The following UNC13C variants were observed in gnomAD, a reference collection of about 807,000 sequenced individuals.
UNC13C encodes protein unc-13 homolog C.
In UNC13C, 174 loss-of-function variants were observed where a neutral mutation model predicts 245.4. That is an observed-to-expected ratio of 0.71 (90% CI 0.63 to 0.80). The LOEUF is 0.80. Ranked by LOEUF, UNC13C falls within the 30% of genes least tolerant of loss-of-function variation. The pLI is 0.00. For missense variants in UNC13C, 2,829 were observed against 2,602.9 expected, an observed-to-expected ratio of 1.09 and a Z score of -1.89; for synonymous variants, 992 against 895.1, an observed-to-expected ratio of 1.11 and a Z score of -1.93.
intron 13 of UNC13C, among the ~76,000 whole-genome samples, chr15:54,301,640 A>G (rs2140948047): frequency 6.6e-6 from 1 of 152,334 alleles, no homozygotes; most frequent in Non-Finnish European, 1.5e-5. Context: ...ATAGCTGCAT[A>G]GTATTCCATG....
At chr15:54,505,953 A>G (rs1000637192) in intron 22 of UNC13C, among the ~76,000 whole-genome samples, 1 of 152,130 alleles carries the variant, frequency 6.6e-6, no homozygotes, top group Non-Finnish European at 1.5e-5. Context: ...CTCAAGCTGT[A>G]GGCCATAGGG....
At chr15:54,462,310 C>T (rs1891890864) in intron 19 of UNC13C, among the ~76,000 whole-genome samples, 1 of 152,228 alleles carries the variant, frequency 6.6e-6, no homozygotes, top group South Asian at 2.1e-4. Flanking sequence ...TGGTGGCCCT[C>T]ATTCGCTCTC....
intron 30 of UNC13C, among the ~76,000 whole-genome samples, chr15:54,613,034 GTC>G (rs929668100): frequency 1.1e-3 from 174 of 151,838 alleles, no homozygotes; most frequent in African/African-American, 3.7e-3. Flanking sequence ...ATTATTATTT[GTC>G]TCTCAAGAAC....
chr15:54,348,828 C>G (rs1046937773), intron 17 of UNC13C, among the ~76,000 whole-genome samples: 1 of 152,082 alleles, frequency 6.6e-6, no homozygotes, highest in Admixed American at 6.6e-5. Flanking sequence ...ATATCCAATT[C>G]TGTAACTCTT....
At chr15:54,192,961 ATTTAT>A (rs2034237242) in intron 4 of UNC13C, among the ~76,000 whole-genome samples, 1 of 152,024 alleles carries the variant, frequency 6.6e-6, no homozygotes, top group African/African-American at 2.4e-5. Context: ...AAGAAGTGAG[ATTTAT>A]TTTTATTCAT....
chr15:54,582,450 C>G (rs905331966), intron 30 of UNC13C, among the ~76,000 whole-genome samples: 2 of 152,080 alleles, frequency 1.3e-5, no homozygotes, highest in African/African-American at 4.8e-5. Flanking sequence ...CAGCTAAATT[C>G]AGGAGGTGAT....
Position 54,013,547 on chromosome 15 carries a change from A to G in UNC13C, c.644A>G (p.Asp215Gly), listed in dbSNP as rs779445844. 3.1e-6 allele frequency: 5 copies of G among 1,613,780 alleles called. No individual in the cohort carries two copies. In the African/African-American group the frequency reaches 5.3e-5, roughly 17 times the overall value. Reference protein sequence around the residue: ...KSWGIRSKSLDRTVRNPKTNA... With the variant: ...KSWGIRSKSLGRTVRNPKTNA... ...TGGGGAATAAGAAGTAAGTCTTTGG[A>G]CAGAACTGTCCGAAACCCAAAGACA... Residue 215 changes from aspartate (D) to glycine (G), a missense_variant, in exon 2 of 33, where the codon GAC becomes GGC. Physicochemically the swap from Asp to Gly is moderately conservative, Grantham distance 94 (BLOSUM62 -1). Transcript: ENST00000260323.
chr15:53,936,371 T>C, the UNC13C span, among the ~76,000 whole-genome samples: 2 of 152,036 alleles, frequency 1.3e-5, no homozygotes, highest in South Asian at 2.1e-4. Flanking sequence ...AGATCTCTGA[T>C]CTCTCCCTAG....
chr15:54,356,381 G>C (rs1002310381), intron 17 of UNC13C, among the ~76,000 whole-genome samples: 14 of 151,172 alleles, frequency 9.3e-5, no homozygotes, highest in African/African-American at 3.4e-4. Flanking sequence ...TCCATACCTT[G>C]TCCATATACT....
chr15:54,229,696 C>T (rs979315437), intron 4 of UNC13C, among the ~76,000 whole-genome samples: 25 of 152,110 alleles, frequency 1.6e-4, no homozygotes, highest in Admixed American at 1.3e-3. Flanking sequence ...GAACTATATT[C>T]ACCCTATTTA....
intron 30 of UNC13C, among the ~76,000 whole-genome samples, chr15:54,600,112 A>T (rs969728279): frequency 6.6e-6 from 1 of 152,028 alleles, no homozygotes; most frequent in African/African-American, 2.4e-5. Flanking sequence ...CACCATTCCT[A>T]CTCTCCAGAG....
intron 4 of UNC13C, among the ~76,000 whole-genome samples, chr15:54,174,900 T>A (rs1044237102): frequency 2.0e-5 from 3 of 152,184 alleles, no homozygotes; most frequent in Non-Finnish European, 4.4e-5. Context: ...AAGTTCACAA[T>A]CTTTGAATTT....
At chr15:54,512,251 TC>T in intron 24 of UNC13C, 1 of 435,226 alleles carries the variant, frequency 2.3e-6, no homozygotes. Context: ...AGTTTATTTT[TC>T]ACATTGAGAA....
At chr15:54,337,352 A>G (rs756424357) in intron 16 of UNC13C, among the ~76,000 whole-genome samples, 2 of 152,158 alleles carry the variant, frequency 1.3e-5, no homozygotes, top group Non-Finnish European at 2.9e-5. Flanking sequence ...CTTTTCCACA[A>G]CTGTAGATTC....
chr15:54,158,688 C>T (rs2032853573), intron 4 of UNC13C, among the ~76,000 whole-genome samples: 1 of 151,844 alleles, frequency 6.6e-6, no homozygotes, highest in Non-Finnish European at 1.5e-5. Flanking sequence ...ATCTTGCTGT[C>T]ACTCAGGCTG....
chr15:54,213,976 A>G (rs186129272), intron 4 of UNC13C, among the ~76,000 whole-genome samples: 13 of 152,112 alleles, frequency 8.5e-5, no homozygotes, highest in Non-Finnish European at 1.5e-5. Context: ...GAAATAACAC[A>G]TTGCAAATTG....
intron 2 of UNC13C, among the ~76,000 whole-genome samples, chr15:54,056,632 A>G (rs1001501565): frequency 2.6e-5 from 4 of 152,164 alleles, no homozygotes; most frequent in African/African-American, 9.7e-5. Flanking sequence ...ACTCCTCGAC[A>G]AGAGCAACTC....
At position 54,300,212 on chromosome 15, in the gene UNC13C, T is replaced by C. The variant is rs1397292189; in HGVS notation, c.4107T>C (p.Asn1369=). Residue 1369 remains asparagine, a splice_region_variant and synonymous_variant, in exon 13 of 33, where the codon AAT becomes AAC. Transcript: ENST00000260323. The stretch of plus-strand genomic sequence containing the variant: ...AATTAAAAACCACTTGCTTTTAGAA[T>C]CTGTTCCATTACTTGACTGAAGTGA... ...YHIQYTCLHE[N]LFHYLTEVKS... 6.3e-7 allele frequency: 1 copy of C among 1,597,780 alleles called. No homozygotes were observed. The highest frequency in any genetic ancestry group is 1.7e-5 in the Admixed American group (1 of 57,546).
chr15:54,446,433 A>C (rs1329203567), intron 19 of UNC13C, among the ~76,000 whole-genome samples: 1 of 152,148 alleles, frequency 6.6e-6, no homozygotes, highest in Non-Finnish European at 1.5e-5. Flanking sequence ...TGAGCATGGA[A>C]TGTTCTTCCA....
Sources: gnomAD v4.1 joint callset for allele counts (sites outside exome capture counted in the v4.1 genomes callset) on GRCh38, gnomAD v4.1.1 for gene constraint, MANE v1.5 for transcripts, NCBI Gene and HGNC (gene_info 2026-07-23, HGNC 2026-07-21) for gene names.